SEL1L2: variants seen among roughly 807,000 people sequenced by gnomAD.
SEL1L2 encodes the protein protein sel-1 homolog 2.
Under a neutral mutation model 98.8 loss-of-function variants are expected in SEL1L2, and 89 were observed. That is an observed-to-expected ratio of 0.90 (90% CI 0.76 to 1.07). The LOEUF is 1.07. SEL1L2 is among the 50% of genes least tolerant of loss of function. The probability of loss-of-function intolerance (pLI) is 0.00; values close to 1 mark genes in which losing one functional copy is unlikely to be tolerated. For missense variants in SEL1L2, 788 were observed against 812.0 expected (o/e 0.97, Z 0.36); for synonymous variants, 262 against 278.5 (o/e 0.94, Z 0.59).
At chr20:13,913,744 T>A in intron 5 of SEL1L2, 38 bp downstream of exon 5, 1 of 1,470,354 alleles carries the variant, frequency 6.8e-7, no homozygotes, top group East Asian at 2.6e-5. Flanking sequence ...TATTTCAGGA[T>A]GGAGCTATTT....
chr20:13,980,383 T>C (rs563539371), intron 1 of SEL1L2, among the ~76,000 whole-genome samples: 37 of 152,298 alleles, frequency 2.4e-4, no homozygotes, highest in African/African-American at 8.7e-4. Flanking sequence ...AATTTTTTTA[T>C]TTTTAGTAGA....
chr20:13,951,227 A>C (rs2050247985), intron 2 of SEL1L2, among the ~76,000 whole-genome samples: 1 of 137,870 alleles, frequency 7.3e-6, no homozygotes, highest in African/African-American at 2.7e-5. Flanking sequence ...CAGTGAGCCG[A>C]GATAGCGCCA....
chr20:13,884,019 CG>C (rs1346594083), intron 10 of SEL1L2, among the ~76,000 whole-genome samples: 1 of 152,076 alleles, frequency 6.6e-6, no homozygotes, highest in Non-Finnish European at 1.5e-5. Flanking sequence ...TCTTGGGGTG[CG>C]TATGCTTATT....
chr20:13,855,252 T>C (rs1430359112), intron 18 of SEL1L2, among the ~76,000 whole-genome samples: 2 of 152,094 alleles, frequency 1.3e-5, no homozygotes, highest in African/African-American at 4.8e-5. Flanking sequence ...AGAATCTATA[T>C]AGGGCAAAGT....
Position 13,953,161 on chromosome 20 carries a change from T to C in SEL1L2, c.114+2915A>G, listed in dbSNP as rs558377039. ...TGATATGCTGGCAAAAGGGTAAAAG[T>C]TTTTTTTACAGTCGGGCTTTTGGCC... On this transcript the variant is annotated intron_variant, in intron 2 of 19. Coordinates refer to ENST00000284951, the MANE Select transcript of SEL1L2 (RefSeq NM_025229.2). Among the ~76,000 whole-genome samples, 7 of 152,068 alleles carry C rather than the reference T, an allele frequency of 4.6e-5. No individual in the cohort carries two copies. The South Asian group carries it at 6.2e-4, about 14-fold the overall frequency.
chr20:13,953,765 C>T (rs1263769055), intron 2 of SEL1L2, among the ~76,000 whole-genome samples: 1 of 152,198 alleles, frequency 6.6e-6, no homozygotes, highest in African/African-American at 2.4e-5. Context: ...CTGCCCTTCT[C>T]GCCCTTCAAA....
At chr20:13,910,962 A>C (rs2048182524) in intron 5 of SEL1L2, among the ~76,000 whole-genome samples, 1 of 152,370 alleles carries the variant, frequency 6.6e-6, no homozygotes, top group East Asian at 1.9e-4. Context: ...CATTCATGTA[A>C]GTTTGGAACT....
Position 13,878,492 on chromosome 20 carries a change from G to A in SEL1L2, c.958-904C>T, listed in dbSNP as rs138374921. On this transcript the variant is annotated intron_variant, in intron 10 of 19. Transcript: ENST00000284951. ...TGGCTATGAAGCCACTTTTTAAAGT[G>A]TCTTGTTAGGATACGACCTTTCTGC... Among the ~76,000 whole-genome samples, 173 of 152,260 alleles carry A rather than the reference G, an allele frequency of 1.1e-3. 1 individual carries two copies. Among genetic ancestry groups the A allele is most frequent in the African/African-American group, 3.5e-3 (146 of 41,558 alleles).
intron 2 of SEL1L2, among the ~76,000 whole-genome samples, chr20:13,937,150 A>T (rs2049492235): frequency 6.6e-6 from 1 of 152,172 alleles, no homozygotes; most frequent in Non-Finnish European, 1.5e-5. Flanking sequence ...TTCAAGGCCA[A>T]ACTAAGGATC....
chr20:13,970,485 G>T (rs2051234384), intron 1 of SEL1L2, among the ~76,000 whole-genome samples: 1 of 152,158 alleles, frequency 6.6e-6, no homozygotes, highest in Non-Finnish European at 1.5e-5. Flanking sequence ...TGCCAAATTG[G>T]CATTCCAAAA....
At chr20:13,955,969 TAA>T (rs1011216424) in intron 2 of SEL1L2, 105 bp downstream of exon 2, 19 of 589,634 alleles carry the variant, frequency 3.2e-5, no homozygotes, top group Non-Finnish European at 5.4e-5. Flanking sequence ...GATTGAGAAT[TAA>T]AAAAAAAAGA....
At chr20:13,926,195 G>C (rs1472265173) in intron 3 of SEL1L2, among the ~76,000 whole-genome samples, 1 of 152,196 alleles carries the variant, frequency 6.6e-6, no homozygotes, top group Non-Finnish European at 1.5e-5. Flanking sequence ...GGCGCCCGTA[G>C]TCCCAGCTAC....
At chr20:13,994,916 A>T (rs1261381078), upstream of SEL1L2, 2 of 152,232 alleles carry the variant, frequency 1.3e-5, no homozygotes, top group South Asian at 2.1e-4. Context: ...TGTAATTTTC[A>T]CTACAGGTTT....
chr20:13,939,657 C>A (rs907494926), intron 2 of SEL1L2, among the ~76,000 whole-genome samples: 1 of 48,584 alleles, frequency 2.1e-5, no homozygotes, highest in Non-Finnish European at 3.9e-5. Context: ...GAATGAAACA[C>A]CCTTATTCTT....
chr20:13,950,878 T>C (rs1176612029), intron 2 of SEL1L2, among the ~76,000 whole-genome samples: 2 of 151,924 alleles, frequency 1.3e-5, no homozygotes, highest in Non-Finnish European at 2.9e-5. Flanking sequence ...CTTGAAAGGG[T>C]TACAGGGGAA....
intron 2 of SEL1L2, among the ~76,000 whole-genome samples, chr20:13,939,551 A>G (rs1238534487): frequency 6.6e-6 from 1 of 152,178 alleles, no homozygotes; most frequent in East Asian, 1.9e-4. Context: ...TCTTTAATAG[A>G]ATTTCAATAG....
intron 2 of SEL1L2, among the ~76,000 whole-genome samples, chr20:13,955,063 T>C (rs2050462887): frequency 6.6e-6 from 1 of 152,206 alleles, no homozygotes; most frequent in African/African-American, 2.4e-5. Context: ...GATTTACTCA[T>C]TAATTCAATA....
intron 18 of SEL1L2, among the ~76,000 whole-genome samples, chr20:13,853,045 T>G (rs961400969): frequency 6.6e-6 from 1 of 152,144 alleles, no homozygotes; most frequent in Non-Finnish European, 1.5e-5. Flanking sequence ...CTGGTAATAT[T>G]TTATACACAT....
intron 5 of SEL1L2, among the ~76,000 whole-genome samples, chr20:13,898,840 T>A (rs1272281644): frequency 2.6e-5 from 4 of 152,204 alleles, no homozygotes; most frequent in Non-Finnish European, 5.9e-5. Context: ...CCTCCCGGGT[T>A]CAAGAGATTC....
Sources: allele counts gnomAD v4.1 joint callset (sites outside exome capture counted in the v4.1 genomes callset), GRCh38; gene constraint gnomAD v4.1.1; transcripts MANE v1.5; gene names NCBI Gene and HGNC (gene_info 2026-07-23, HGNC 2026-07-21).